Variants in WAC observed in about 807,000 individuals in gnomAD.
WAC encodes the protein WW domain containing adaptor with coiled-coil, also known as WW domain-containing adapter protein with coiled-coil.
WAC carries 11 observed loss-of-function variants against 79.6 expected under a neutral mutation model. That is an observed-to-expected ratio of 0.14 (90% CI 0.09 to 0.23). The LOEUF (loss-of-function observed/expected upper bound fraction) is 0.23, where lower values mean the gene tolerates loss of function less well. WAC is among the 10% of genes least tolerant of loss of function. The pLI, the probability that WAC is intolerant of heterozygous loss-of-function variation, is 1.00. For missense variants in WAC, 728 were observed against 773.5 expected (o/e 0.94, Z 0.70); for synonymous variants, 304 against 276.9 (o/e 1.10, Z -0.97).
At chr10:28,539,909 G>A (rs1007019214) in intron 3 of WAC, among the ~76,000 whole-genome samples, 2 of 152,018 alleles carry the variant, frequency 1.3e-5, no homozygotes, top group East Asian at 1.9e-4. Context: ...GAAAAATTTG[G>A]AAATGTATTT....
chr10:28,606,174 C>T (rs759778599), intron 7 of WAC, among the ~76,000 whole-genome samples: 4 of 152,036 alleles, frequency 2.6e-5, no homozygotes, highest in Admixed American at 1.3e-4. Flanking sequence ...CCTCAGCTTC[C>T]TGAGTAGCTG....
At chr10:28,601,872 A>G (rs1840664651) in intron 7 of WAC, among the ~76,000 whole-genome samples, 1 of 152,180 alleles carries the variant, frequency 6.6e-6, no homozygotes, top group Non-Finnish European at 1.5e-5. Flanking sequence ...CTGGAATAGT[A>G]GTTACCAGGG....
At chr10:28,579,222 T>C in intron 3 of WAC, among the ~76,000 whole-genome samples, 1 of 151,958 alleles carries the variant, frequency 6.6e-6, no homozygotes. Flanking sequence ...CTTGGTAATA[T>C]ACACAGTGCA....
chr10:28,535,373 T>G, intron 2 of WAC, 189 bp from the exon 3 acceptor site: 1 of 506,166 alleles, frequency 2.0e-6, no homozygotes. Flanking sequence ...ATCAGGAGTC[T>G]TATTGTAACG....
intron 3 of WAC, among the ~76,000 whole-genome samples, chr10:28,542,249 T>C (rs1014955144): frequency 2.0e-5 from 3 of 152,210 alleles, no homozygotes; most frequent in Non-Finnish European, 2.9e-5. Flanking sequence ...TCTGAAACAG[T>C]CATTCTCATC....
chr10:28,557,512 G>A (rs557078773), intron 3 of WAC, among the ~76,000 whole-genome samples: 4 of 152,128 alleles, frequency 2.6e-5, no homozygotes, highest in African/African-American at 4.8e-5. Flanking sequence ...CCTGAACATA[G>A]TGAGACCTTG....
At chr10:28,580,657 G>A (rs371565616) in intron 3 of WAC, among the ~76,000 whole-genome samples, 5 of 152,044 alleles carry the variant, frequency 3.3e-5, no homozygotes, top group African/African-American at 1.2e-4. Context: ...CCCACTCTGC[G>A]AGTAGTGCAT....
Position 28,547,326 on chromosome 10 carries a change from G to A in WAC, c.274+11569G>A, listed in dbSNP as rs529013959. Reference sequence around the variant, plus strand: ...AAGGTGGGCGGATCACCTGAGGTCAGGAGTTAGAGACCAGCCTGGCCAACA... The same window carrying A: ...AAGGTGGGCGGATCACCTGAGGTCAAGAGTTAGAGACCAGCCTGGCCAACA... On this transcript the variant is annotated intron_variant, in intron 3 of 13. Transcript: ENST00000354911. Among the ~76,000 whole-genome samples, 53 of 152,270 alleles carry A rather than the reference G, an allele frequency of 3.5e-4. No homozygotes were observed. The East Asian group carries it at 6.7e-3, about 19-fold the overall frequency.
At chr10:28,616,685 G>A (rs560091355) in intron 12 of WAC, among the ~76,000 whole-genome samples, 1 of 152,274 alleles carries the variant, frequency 6.6e-6, no homozygotes, top group East Asian at 1.9e-4. Context: ...TAGTGCATAA[G>A]ACCTTGATCC....
In WAC at chr10:28,533,142, AGCGGCAGCG is replaced by A; in HGVS notation, c.-431_-423del. The A allele has an allele frequency of 6.0e-6, 1 of 165,618 alleles. No individual in the cohort carries two copies. Among genetic ancestry groups the A allele is most frequent in the Non-Finnish European group, 1.3e-5 (1 of 77,376 alleles). 10.3% of individuals were successfully genotyped at this position (165,618 alleles called of 1,614,324 possible). A position where few individuals can be genotyped will look rare whatever the true frequency, so the allele number is the denominator to read the frequency against. ...CGAGTTGCCCGGATGTAGTTGGTGG[AGCGGCAGCG>A]GCGGCACCAGCGGCGGCGGCGGCGG... On this transcript the variant is annotated 5_prime_UTR_variant, in exon 1 of 14. Coordinates refer to ENST00000354911, the MANE Select transcript of WAC (RefSeq NM_016628.5).
chr10:28,596,838 A>G (rs990109045), intron 7 of WAC, among the ~76,000 whole-genome samples: 1 of 152,154 alleles, frequency 6.6e-6, no homozygotes, highest in Admixed American at 6.5e-5. Flanking sequence ...GAGAGGCTTG[A>G]TACATTAATT....
intron 8 of WAC, 40 bp from the exon 9 acceptor site, chr10:28,610,659 T>A: frequency 1.9e-6 from 3 of 1,568,038 alleles, no homozygotes; most frequent in Non-Finnish European, 2.6e-6. Flanking sequence ...CACATAAGCC[T>A]CTTGTTTTTA....
At position 28,608,350 on chromosome 10, in the gene WAC, C is replaced by A; in HGVS notation, c.1084C>A (p.Leu362Ile). ...PIPPLLQDPNLLRQLLPALQA... is the reference protein window; with the variant it reads ...PIPPLLQDPNILRQLLPALQA... Reference sequence around the variant, plus strand: ...ACCTCCCTTACTTCAGGACCCAAATCTTCTTAGACAATTGCTTCCTGCTTT... The same window carrying A: ...ACCTCCCTTACTTCAGGACCCAAATATTCTTAGACAATTGCTTCCTGCTTT... The change falls in exon 8 of 14, where the codon CTT becomes ATT. Residue 362 changes from leucine (L) to isoleucine (I), a missense_variant. Around this residue, in one of 3 missense-constraint regions of WAC, gnomAD observed 648 missense variants for 661.5 expected, o/e 0.98. Transcript: ENST00000354911. 1 of 1,614,140 alleles carries A rather than the reference C, an allele frequency of 6.2e-7. No individual in the cohort carries two copies. Among genetic ancestry groups the A allele is most frequent in the South Asian group, 1.1e-5 (1 of 91,086 alleles).
chr10:28,592,447 C>A (rs1840140354), intron 6 of WAC, among the ~76,000 whole-genome samples: 1 of 152,018 alleles, frequency 6.6e-6, no homozygotes, highest in Non-Finnish European at 1.5e-5. Context: ...CATGGTGAAA[C>A]CCCGTCTCTA....
intron 13 of WAC, among the ~76,000 whole-genome samples, chr10:28,618,842 TCTA>T: frequency 6.6e-6 from 1 of 152,218 alleles, no homozygotes. Flanking sequence ...CCTGGTTAAT[TCTA>T]CTCTTTACTG....
At chr10:28,545,749 G>T (rs1441516490) in intron 3 of WAC, among the ~76,000 whole-genome samples, 1 of 152,188 alleles carries the variant, frequency 6.6e-6, no homozygotes, top group Non-Finnish European at 1.5e-5. Flanking sequence ...TTAATATCCT[G>T]TGCAAGGGCA....
chr10:28,593,534 G>A (rs181541782), intron 6 of WAC, among the ~76,000 whole-genome samples: 42 of 152,090 alleles, frequency 2.8e-4, no homozygotes, highest in South Asian at 4.1e-4. Flanking sequence ...TTGGGAGGCC[G>A]AGACGGGTGG....
At chr10:28,602,322 A>T (rs564991091) in intron 7 of WAC, among the ~76,000 whole-genome samples, 1 of 152,388 alleles carries the variant, frequency 6.6e-6, no homozygotes, top group South Asian at 2.1e-4. Context: ...GTTGTAAAAC[A>T]GCATATTTAT....
At chr10:28,604,877 C>T (rs1446373440) in intron 7 of WAC, among the ~76,000 whole-genome samples, 1 of 152,174 alleles carries the variant, frequency 6.6e-6, no homozygotes, top group African/African-American at 2.4e-5. Context: ...CCAATCAACA[C>T]TTTAAATATA....
Sources: gnomAD v4.1 joint callset for allele counts (sites outside exome capture counted in the v4.1 genomes callset) on GRCh38, gnomAD v4.1.1 for gene constraint, gnomAD v4.1.1 regional missense constraint, MANE v1.5 for transcripts, NCBI Gene and HGNC (gene_info 2026-07-23, HGNC 2026-07-21) for gene names.